NELL1: variants seen among roughly 807,000 people sequenced by gnomAD.
NELL1 encodes the protein protein kinase C-binding protein NELL1.
A neutral mutation model predicts 107.4 loss-of-function variants in NELL1; 76 were observed. That is an observed-to-expected ratio of 0.71 (90% confidence interval 0.59 to 0.86). The LOEUF is 0.86. NELL1 is among the 40% of genes least tolerant of loss of function. The pLI, the probability that NELL1 is intolerant of heterozygous loss-of-function variation, is 0.00. For synonymous variants in NELL1, 353 were observed against 341.2 expected (o/e 1.03, Z -0.38); for missense variants, 1,024 against 1,005.5 (o/e 1.02, Z -0.25).
In NELL1 at chr11:21,571,831, G is replaced by A. The variant is rs76178262; in HGVS notation, c.2157+891G>A. On this transcript the variant is annotated intron_variant, in intron 18 of 19. Coordinates refer to ENST00000357134, the MANE Select transcript of NELL1 (RefSeq NM_006157.5). Reference sequence around the variant, plus strand: ...TCCCATATGTAAAGTCACAACTATGGAACATTCTGAGTTGATTGGTAATGG... The same window carrying A: ...TCCCATATGTAAAGTCACAACTATGAAACATTCTGAGTTGATTGGTAATGG... Among the ~76,000 whole-genome samples, 1,500 of 151,888 alleles carry A rather than the reference G, an allele frequency of 9.9e-3. 8 individuals carry two copies. The highest frequency in any genetic ancestry group is 0.015 in the Non-Finnish European group (1,001 of 67,870).
At chr11:20,784,278 C>G (rs898682459) in intron 3 of NELL1, among the ~76,000 whole-genome samples, 5 of 152,102 alleles carry the variant, frequency 3.3e-5, no homozygotes, top group African/African-American at 1.2e-4. Context: ...ATTGAAGATG[C>G]AATGCCAGAA....
intron 2 of NELL1, among the ~76,000 whole-genome samples, chr11:20,699,177 A>T (rs1317947262): frequency 3.3e-5 from 5 of 151,436 alleles, no homozygotes; most frequent in Non-Finnish European, 5.9e-5. Context: ...AGATCGTACC[A>T]CTGTACTCCA....
chr11:20,965,100 C>A (rs1310743452), intron 12 of NELL1, among the ~76,000 whole-genome samples: 1 of 152,134 alleles, frequency 6.6e-6, no homozygotes, highest in Non-Finnish European at 1.5e-5. Flanking sequence ...CAACTGAAAG[C>A]AGTTTTTAAT....
At chr11:21,089,965 G>T (rs181732996) in intron 12 of NELL1, among the ~76,000 whole-genome samples, 1 of 152,132 alleles carries the variant, frequency 6.6e-6, no homozygotes, top group South Asian at 2.1e-4. Flanking sequence ...GAAAGTGAGG[G>T]TCTGCCATGG....
At chr11:20,697,395 CTT>C (rs200467344) in intron 2 of NELL1, among the ~76,000 whole-genome samples, 3 of 107,458 alleles carry the variant, frequency 2.8e-5, no homozygotes, top group East Asian at 2.3e-4. Flanking sequence ...TAATATGTTG[CTT>C]TTTTTTTTTT....
In NELL1 at chr11:20,827,542, T is replaced by G. The variant is rs985823605; in HGVS notation, c.336-20041T>G. On this transcript the variant is annotated intron_variant, in intron 3 of 19. Coordinates refer to ENST00000357134, the MANE Select transcript of NELL1 (RefSeq NM_006157.5). ...CTGTCCACTTCGTCATTCTTCCATC[T>G]TCAACATGTGGTATTCCAGGTGTTT... Among the ~76,000 whole-genome samples, 9 of 151,268 alleles carry G rather than the reference T, an allele frequency of 5.9e-5. 1 individual carries two copies. The highest frequency in any genetic ancestry group is 4.7e-4 in the Admixed American group (7 of 15,024).
At chr11:20,758,672 A>C (rs1856351836) in intron 2 of NELL1, among the ~76,000 whole-genome samples, 1 of 152,130 alleles carries the variant, frequency 6.6e-6, no homozygotes, top group Non-Finnish European at 1.5e-5. Flanking sequence ...TTGGTACTTG[A>C]CATTTGAGGC....
intron 15 of NELL1, among the ~76,000 whole-genome samples, chr11:21,506,559 T>C (rs1370013845): frequency 6.6e-6 from 1 of 152,240 alleles, no homozygotes. Flanking sequence ...GGGGCTTCAG[T>C]TTCCTCATCT....
intron 7 of NELL1, among the ~76,000 whole-genome samples, chr11:20,920,616 G>C (rs1272854984): frequency 6.6e-6 from 1 of 152,008 alleles, no homozygotes; most frequent in African/African-American, 2.4e-5. Context: ...GGAGCAGCTT[G>C]ATCTCAATAC....
At chr11:21,527,955 C>G (rs975019754) in intron 15 of NELL1, among the ~76,000 whole-genome samples, 1 of 152,108 alleles carries the variant, frequency 6.6e-6, no homozygotes, top group African/African-American at 2.4e-5. Context: ...TCTATTGACT[C>G]AAATGTTAAT....
intron 2 of NELL1, among the ~76,000 whole-genome samples, chr11:20,728,173 G>A (rs1159922529): frequency 2.0e-5 from 3 of 151,908 alleles, no homozygotes; most frequent in Non-Finnish European, 4.4e-5. Context: ...TGCCTGTTCA[G>A]TTGTTTAAGT....
intron 3 of NELL1, among the ~76,000 whole-genome samples, chr11:20,813,047 A>T (rs994281093): frequency 2.6e-5 from 3 of 113,494 alleles, no homozygotes; most frequent in Non-Finnish European, 3.7e-5. Context: ...AAAAAAAAAA[A>T]GAAATAGCAG....
At chr11:21,200,309 T>C (rs1857240366) in intron 13 of NELL1, among the ~76,000 whole-genome samples, 1 of 152,204 alleles carries the variant, frequency 6.6e-6, no homozygotes, top group Admixed American at 6.5e-5. Context: ...CAGCATCTGT[T>C]GTTTCCTGAC....
At chr11:21,356,005 A>G (rs2133728438) in intron 14 of NELL1, among the ~76,000 whole-genome samples, 1 of 151,924 alleles carries the variant, frequency 6.6e-6, no homozygotes, top group South Asian at 2.1e-4. Context: ...TTAGGTCTCT[A>G]CTCAAATGAT....
chr11:21,175,727 C>T (rs972917827), intron 13 of NELL1, among the ~76,000 whole-genome samples: 4 of 151,832 alleles, frequency 2.6e-5, no homozygotes, highest in Admixed American at 2.6e-4. Flanking sequence ...CATGACAATG[C>T]GACTGTCACT....
At chr11:21,236,063 T>A (rs932947095) in intron 14 of NELL1, among the ~76,000 whole-genome samples, 1 of 152,066 alleles carries the variant, frequency 6.6e-6, no homozygotes, top group Non-Finnish European at 1.5e-5. Context: ...GCCAGATGGA[T>A]GATTTCATGG....
chr11:20,723,559 GT>G (rs1855440908), intron 2 of NELL1, among the ~76,000 whole-genome samples: 2 of 152,124 alleles, frequency 1.3e-5, no homozygotes, highest in Non-Finnish European at 2.9e-5. Context: ...AGCTGCACCC[GT>G]GAAGCTCTGG....
chr11:20,889,876 G>A (rs1248875828), intron 5 of NELL1, among the ~76,000 whole-genome samples: 2 of 152,170 alleles, frequency 1.3e-5, no homozygotes, highest in African/African-American at 4.8e-5. Flanking sequence ...AGCCCCTAGC[G>A]GGAGAGGTGG....
At chr11:20,689,531 C>G (rs527838901) in intron 2 of NELL1, among the ~76,000 whole-genome samples, 153 of 145,756 alleles carry the variant, frequency 1.0e-3, no homozygotes, top group African/African-American at 3.8e-3. Flanking sequence ...TGAGAACATG[C>G]GGTGTTTGGT....
Sources: gnomAD v4.1 joint callset for allele counts (sites outside exome capture counted in the v4.1 genomes callset) on GRCh38, gnomAD v4.1.1 for gene constraint, MANE v1.5 for transcripts, NCBI Gene and HGNC (gene_info 2026-07-23, HGNC 2026-07-21) for gene names.